PTPRD: variants seen among roughly 807,000 people sequenced by gnomAD.
PTPRD encodes protein tyrosine phosphatase receptor type D.
PTPRD carries 34 observed loss-of-function variants against 214.5 expected under a neutral mutation model. The ratio of observed to expected loss-of-function variants is 0.16; its 90% confidence interval spans 0.12 to 0.21. The LOEUF is 0.21. PTPRD is among the 10% of genes least tolerant of loss of function. The pLI is 1.00. For missense variants in PTPRD, 2,545 were observed against 2,398.7 expected (o/e 1.06, Z -1.27); for synonymous variants, 1,128 against 845.7 (o/e 1.33, Z -5.79).
intron 11 of PTPRD, among the ~76,000 whole-genome samples, chr9:9,002,777 G>A (rs1350920823): frequency 1.3e-5 from 2 of 152,032 alleles, no homozygotes; most frequent in East Asian, 1.9e-4. Flanking sequence ...TGAGGAAGTT[G>A]TTCTTGCTTG....
At chr9:8,734,457 AG>A (rs1175924775) in intron 11 of PTPRD, among the ~76,000 whole-genome samples, 2 of 152,252 alleles carry the variant, frequency 1.3e-5, no homozygotes, top group African/African-American at 4.8e-5. Flanking sequence ...AGCAGAGGTT[AG>A]AATTTTTTAC....
chr9:9,180,763 A>T (rs908723540), intron 10 of PTPRD, among the ~76,000 whole-genome samples: 1 of 152,068 alleles, frequency 6.6e-6, no homozygotes, highest in Non-Finnish European at 1.5e-5. Flanking sequence ...AGGAAAAGAC[A>T]ATTTAGGAAA....
chr9:10,004,728 C>G (rs1000345596), intron 4 of PTPRD, among the ~76,000 whole-genome samples: 1 of 151,916 alleles, frequency 6.6e-6, no homozygotes, highest in African/African-American at 2.4e-5. Flanking sequence ...AAACACCAAA[C>G]TTTATAAAAT....
chr9:8,403,366 A>G (rs914164040), intron 36 of PTPRD, among the ~76,000 whole-genome samples: 1 of 152,228 alleles, frequency 6.6e-6, no homozygotes, highest in Non-Finnish European at 1.5e-5. Context: ...TGAACCTTCA[A>G]GTATGAAGAG....
chr9:9,709,694 A>G (rs1320344993), intron 7 of PTPRD, among the ~76,000 whole-genome samples: 2 of 152,068 alleles, frequency 1.3e-5, no homozygotes, highest in Non-Finnish European at 2.9e-5. Context: ...TATCAGAAGG[A>G]AAAATTTAAG....
rs1007170924 is a variant in PTPRD at position 8,436,782 on chromosome 9, G to A, written c.3989-93C>T. The stretch of plus-strand genomic sequence containing the variant: ...ATAGAGAATACTATAGTTAGAAATG[G>A]CCTGAAAATATGTGAGTAGTAAAGA... On this transcript the variant is annotated intron_variant, in intron 34 of 45. Coordinates refer to ENST00000381196, the MANE Select transcript of PTPRD (RefSeq NM_002839.4). The A allele has an allele frequency of 1.9e-5, 19 of 1,015,820 alleles. No homozygotes were observed. The East Asian group carries it at 3.8e-4, about 20-fold the overall frequency. 62.9% of individuals were successfully genotyped at this position (1,015,820 alleles called of 1,614,324 possible). A position where few individuals can be genotyped will look rare whatever the true frequency, so the allele number is the denominator to read the frequency against.
At chr9:10,384,594 A>T (rs1274018267) in intron 2 of PTPRD, among the ~76,000 whole-genome samples, 1 of 151,744 alleles carries the variant, frequency 6.6e-6, no homozygotes, top group East Asian at 1.9e-4. Context: ...ACAGAGTAAA[A>T]TATCACAAAA....
intron 11 of PTPRD, among the ~76,000 whole-genome samples, chr9:8,848,212 T>TC: frequency 6.6e-6 from 1 of 151,320 alleles, no homozygotes; most frequent in South Asian, 2.1e-4. Flanking sequence ...GGTAAAAAAA[T>TC]GTTTTTTTCA....
At chr9:8,723,888 G>A (rs760683968) in intron 12 of PTPRD, among the ~76,000 whole-genome samples, 4 of 152,084 alleles carry the variant, frequency 2.6e-5, no homozygotes, top group East Asian at 1.9e-4. Context: ...TTAAACTGAC[G>A]ATTTAAGTAC....
chr9:9,028,624 T>A (rs1237660010), intron 10 of PTPRD, among the ~76,000 whole-genome samples: 1 of 151,980 alleles, frequency 6.6e-6, no homozygotes, highest in Non-Finnish European at 1.5e-5. Flanking sequence ...ATTTACTCTG[T>A]CTTCTCTATG....
intron 20 of PTPRD, 76 bp downstream of exon 20, chr9:8,521,201 G>A (rs2138834664): frequency 6.8e-7 from 1 of 1,479,376 alleles, no homozygotes; most frequent in East Asian, 2.3e-5. Context: ...AGATTTTCAA[G>A]GATGGGCTTT....
At chr9:9,467,213 C>CGT (rs1295163512) in intron 8 of PTPRD, among the ~76,000 whole-genome samples, 137 of 92,854 alleles carry the variant, frequency 1.5e-3, no homozygotes, top group Non-Finnish European at 1.8e-3. Flanking sequence ...GTTCATTTAT[C>CGT]TTTTTTTTTT....
chr9:9,172,753 C>T (rs1018842291), intron 10 of PTPRD, among the ~76,000 whole-genome samples: 1 of 152,078 alleles, frequency 6.6e-6, no homozygotes, highest in Admixed American at 6.6e-5. Context: ...TAAGCAATGC[C>T]TATCTAGAAT....
At chr9:8,735,835 C>A (rs1480862130) in intron 11 of PTPRD, among the ~76,000 whole-genome samples, 2 of 150,790 alleles carry the variant, frequency 1.3e-5, no homozygotes, top group Non-Finnish European at 2.9e-5. Context: ...TCACTTGAAC[C>A]CAGGAGACAG....
At chr9:9,587,754 C>A (rs2092240196) in intron 7 of PTPRD, among the ~76,000 whole-genome samples, 1 of 151,864 alleles carries the variant, frequency 6.6e-6, no homozygotes. Flanking sequence ...AATCTAGTCA[C>A]AGAAAGACAA....
chr9:10,593,531 A>G (rs967180171), intron 2 of PTPRD, among the ~76,000 whole-genome samples: 11 of 152,036 alleles, frequency 7.2e-5, no homozygotes, highest in African/African-American at 9.7e-5. Flanking sequence ...TATACAACAT[A>G]TAGAAGAGAT....
chr9:9,118,435 G>C (rs1377216590), intron 10 of PTPRD, among the ~76,000 whole-genome samples: 1 of 152,134 alleles, frequency 6.6e-6, no homozygotes, highest in African/African-American at 2.4e-5. Flanking sequence ...TACATGCACA[G>C]TGATTTAGTA....
At chr9:8,390,332 C>G (rs75176492) in intron 36 of PTPRD, among the ~76,000 whole-genome samples, 1,672 of 152,198 alleles carry the variant, frequency 0.011, 34 homozygotes, top group African/African-American at 0.038. Flanking sequence ...GCCTTTAAAA[C>G]TCTAGACACT....
At chr9:10,325,555 C>A (rs999352536) in intron 3 of PTPRD, among the ~76,000 whole-genome samples, 1 of 151,852 alleles carries the variant, frequency 6.6e-6, no homozygotes, top group African/African-American at 2.4e-5. Context: ...TAAACAATAT[C>A]TCTGATTTAT....
Sources: allele counts gnomAD v4.1 joint callset (sites outside exome capture counted in the v4.1 genomes callset), GRCh38; gene constraint gnomAD v4.1.1; transcripts MANE v1.5; gene names NCBI Gene and HGNC (gene_info 2026-07-23, HGNC 2026-07-21).